KCNJ16: variants seen among roughly 807,000 people sequenced by gnomAD.
The protein encoded by KCNJ16 is potassium inwardly rectifying channel subfamily J member 16, also known as inward rectifier potassium channel 16.
In KCNJ16, 15 loss-of-function variants were observed where a neutral mutation model predicts 18.5. The ratio of observed to expected loss-of-function variants is 0.81; its 90% confidence interval spans 0.54 to 1.25. The LOEUF (loss-of-function observed/expected upper bound fraction) is 1.25. KCNJ16 is among the 50% of genes most tolerant of loss of function. The pLI is 0.00. For synonymous variants in KCNJ16, 174 were observed against 186.5 expected (o/e 0.93, Z 0.55); for missense variants, 523 against 525.7 (o/e 0.99, Z 0.05).
intron 1 of KCNJ16, among the ~76,000 whole-genome samples, chr17:70,090,715 CGCT>C (rs1567781311): frequency 0.012 from 1,873 of 151,126 alleles, 46 homozygotes; most frequent in African/African-American, 0.042. Flanking sequence ...CTCACAATAC[CGCT>C]AACCCACTCA....
At chr17:70,091,901 T>A (rs1253769180) in intron 1 of KCNJ16, among the ~76,000 whole-genome samples, 1 of 152,108 alleles carries the variant, frequency 6.6e-6, no homozygotes, top group African/African-American at 2.4e-5. Flanking sequence ...ACATTCCATG[T>A]CCTGTGACAG....
At position 70,132,585 on chromosome 17, in the gene KCNJ16, A is replaced by G. The variant is rs767570761; in HGVS notation, c.498A>G (p.Gly166=). 9.3e-6 allele frequency: 15 copies of G among 1,614,050 alleles called. No homozygotes were observed. The African/African-American group carries it at 1.6e-4, about 17-fold the overall frequency. Residue 166 remains glycine, a synonymous_variant, in exon 4 of 4, where the codon GGA becomes GGG. Coordinates refer to ENST00000392671, the MANE Select transcript of KCNJ16 (RefSeq NM_170741.4). The part of the protein sequence containing the change: ...LSCIINTFII[G]AALAKMATAR... ...GCATCATAAATACCTTTATCATTGG[A>G]GCTGCCTTGGCCAAAATGGCAACTG...
chr17:70,100,922 T>C (rs2072592610), intron 2 of KCNJ16, 156 bp downstream of exon 2: 1 of 152,246 alleles, frequency 6.6e-6, no homozygotes, highest in African/African-American at 2.4e-5. Context: ...CAGAGCAAAT[T>C]CGGTGTTACA....
intron 1 of KCNJ16, among the ~76,000 whole-genome samples, chr17:70,081,125 T>G (rs1393293080): frequency 6.6e-6 from 1 of 152,204 alleles, no homozygotes; most frequent in East Asian, 1.9e-4. Context: ...TCCAGAATAT[T>G]AGAGATGATG....
chr17:70,090,112 G>T (rs1413753504), intron 1 of KCNJ16, among the ~76,000 whole-genome samples: 2 of 152,192 alleles, frequency 1.3e-5, no homozygotes, highest in Non-Finnish European at 2.9e-5. Flanking sequence ...AATTGTGCTG[G>T]TAAAACAGGG....
At chr17:70,096,765 C>T (rs1047882460) in intron 1 of KCNJ16, 14 of 384,988 alleles carry the variant, frequency 3.6e-5, no homozygotes, top group South Asian at 2.9e-4. Flanking sequence ...TCAGAGCGAG[C>T]GTGAATGGAT....
At chr17:70,097,659 G>T (rs543354828) in intron 1 of KCNJ16, among the ~76,000 whole-genome samples, 20 of 151,888 alleles carry the variant, frequency 1.3e-4, no homozygotes, top group Non-Finnish European at 2.6e-4. Flanking sequence ...CTCTACTCTT[G>T]TCTCCTTTAC....
chr17:70,114,414 T>C (rs944532762), intron 2 of KCNJ16, among the ~76,000 whole-genome samples: 1 of 152,146 alleles, frequency 6.6e-6, no homozygotes, highest in Admixed American at 6.6e-5. Context: ...ATACCGTAAA[T>C]GCCAAATTTT....
At chr17:70,087,830 T>G (rs536039096) in intron 1 of KCNJ16, among the ~76,000 whole-genome samples, 1 of 151,978 alleles carries the variant, frequency 6.6e-6, no homozygotes, top group Non-Finnish European at 1.5e-5. Context: ...CAACAATGAA[T>G]AAAACAAGAA....
intron 2 of KCNJ16, among the ~76,000 whole-genome samples, chr17:70,129,514 T>C (rs2073982931): frequency 6.6e-6 from 1 of 152,240 alleles, no homozygotes; most frequent in Non-Finnish European, 1.5e-5. Context: ...TGGTTACAAT[T>C]GATCATTTGG....
intron 2 of KCNJ16, chr17:70,128,661 T>G (rs1209160717): frequency 1.3e-5 from 2 of 152,246 alleles, no homozygotes; most frequent in Non-Finnish European, 2.9e-5. Context: ...GCGTTTTCCT[T>G]CGAACTTCAT....
At chr17:70,082,661 A>G (rs935974052) in intron 1 of KCNJ16, among the ~76,000 whole-genome samples, 1 of 152,200 alleles carries the variant, frequency 6.6e-6, no homozygotes, top group Non-Finnish European at 1.5e-5. Flanking sequence ...GAAGTTGCCC[A>G]TTCCCTGTGC....
In KCNJ16 at chr17:70,133,224, T is replaced by C. The variant is rs1455361975; in HGVS notation, c.1137T>C (p.Ile379=). The C allele has an allele frequency of 3.1e-6, 5 of 1,614,158 alleles. No individual in the cohort carries two copies. The highest frequency in any genetic ancestry group is 4.2e-6 in the Non-Finnish European group (5 of 1,180,022). ...GAAGGTCATTTAGTGCAGTTGCCATTGTCAGCAGCTGTGAAAACCCTGAGG... is the reference window on the plus strand; with the variant it reads ...GAAGGTCATTTAGTGCAGTTGCCATCGTCAGCAGCTGTGAAAACCCTGAGG... ...ARRRSFSAVA[I]VSSCENPEET... Residue 379 remains isoleucine (I), a synonymous_variant, in exon 4 of 4, where the codon ATT becomes ATC. Coordinates refer to ENST00000392671, the MANE Select transcript of KCNJ16 (RefSeq NM_170741.4).
At chr17:70,096,119 G>A (rs1007660208) in intron 1 of KCNJ16, among the ~76,000 whole-genome samples, 1 of 151,966 alleles carries the variant, frequency 6.6e-6, no homozygotes, top group Non-Finnish European at 1.5e-5. Flanking sequence ...TCCTGACCTC[G>A]TGATCCGCCC....
chr17:70,126,516 A>G (rs983688611), intron 2 of KCNJ16, among the ~76,000 whole-genome samples: 1 of 152,126 alleles, frequency 6.6e-6, no homozygotes, highest in African/African-American at 2.4e-5. Flanking sequence ...TCTCATTCAA[A>G]CTTCACAGTA....
chr17:70,126,263 G>A (rs35769475), intron 2 of KCNJ16, among the ~76,000 whole-genome samples: 16,377 of 152,212 alleles, frequency 0.11, 954 homozygotes, highest in Admixed American at 0.17. Context: ...CTGTTAGGTC[G>A]TAGGTCTGTT....
At chr17:70,115,819 G>A (rs758631569) in intron 2 of KCNJ16, among the ~76,000 whole-genome samples, 1 of 152,140 alleles carries the variant, frequency 6.6e-6, no homozygotes, top group Non-Finnish European at 1.5e-5. Flanking sequence ...TGAATTAAAT[G>A]TCACTATATT....
chr17:70,131,285 C>G (rs2074050372), intron 3 of KCNJ16: 1 of 1,093,468 alleles, frequency 9.1e-7, no homozygotes, highest in African/African-American at 1.6e-5. Flanking sequence ...TTTCTGAAAG[C>G]TTACCTGGGA....
rs3785903 is a variant in KCNJ16, at chr17:70,111,068, G to T, written c.-191+10302G>T. Among the ~76,000 whole-genome samples the T allele has an allele frequency of 3.4e-4, 51 of 152,204 alleles. 4 individuals are homozygous for T. In the East Asian group the frequency reaches 9.7e-3, roughly 29 times the overall value. Reference sequence around the variant, plus strand: ...CACTACAACCCTGGTGTCTGGAGTTGCAGGGAATAGGATATAATCTCCTCA... The same window carrying T: ...CACTACAACCCTGGTGTCTGGAGTTTCAGGGAATAGGATATAATCTCCTCA... On this transcript the variant is annotated intron_variant, in intron 2 of 3. Transcript: ENST00000392671.
Sources: allele counts gnomAD v4.1 joint callset (sites outside exome capture counted in the v4.1 genomes callset), GRCh38; gene constraint gnomAD v4.1.1; transcripts MANE v1.5; gene names NCBI Gene and HGNC (gene_info 2026-07-23, HGNC 2026-07-21).